SUGCT: variants seen among roughly 807,000 people sequenced by gnomAD.
The protein encoded by SUGCT is succinyl-CoA:glutarate-CoA transferase.
SUGCT carries 41 observed loss-of-function variants against 55.0 expected under a neutral mutation model. That is an observed-to-expected ratio of 0.74 (90% CI 0.58 to 0.97). The LOEUF (loss-of-function observed/expected upper bound fraction) is 0.97, where lower values mean the gene tolerates loss of function less well. SUGCT is among the 50% of genes least tolerant of loss of function. The pLI is 0.00. For synonymous variants in SUGCT, 187 were observed against 200.4 expected (o/e 0.93, Z 0.56); for missense variants, 568 against 547.8 (o/e 1.04, Z -0.37).
chr7:40,402,801 T>C (rs1383681955), intron 9 of SUGCT, among the ~76,000 whole-genome samples: 2 of 152,170 alleles, frequency 1.3e-5, no homozygotes, highest in Non-Finnish European at 2.9e-5. Context: ...CTTTTTAGGG[T>C]GAGAGGAAGT....
At chr7:40,981,673 T>G in the SUGCT span, among the ~76,000 whole-genome samples, 2 of 152,232 alleles carry the variant, frequency 1.3e-5, no homozygotes, top group African/African-American at 2.4e-5. Context: ...ATTGGAAATC[T>G]CCTCAGCTAA....
intron 13 of SUGCT, among the ~76,000 whole-genome samples, chr7:40,853,215 T>C (rs1793944833): frequency 6.6e-6 from 1 of 152,200 alleles, no homozygotes; most frequent in South Asian, 2.1e-4. Flanking sequence ...GTAGAATAAA[T>C]TAGTGTATAC....
chr7:40,434,872 TC>T, intron 9 of SUGCT, among the ~76,000 whole-genome samples: 2 of 152,264 alleles, frequency 1.3e-5, no homozygotes, highest in East Asian at 3.9e-4. Flanking sequence ...CTATGCTTTT[TC>T]TGATGCTGGG....
At chr7:40,511,848 A>G (rs539085229) in intron 12 of SUGCT, among the ~76,000 whole-genome samples, 1 of 152,186 alleles carries the variant, frequency 6.6e-6, no homozygotes, top group Non-Finnish European at 1.5e-5. Context: ...CAAAAACATG[A>G]AAGAATGAGT....
chr7:40,340,142 C>T (rs1796967274), intron 9 of SUGCT, among the ~76,000 whole-genome samples: 1 of 151,970 alleles, frequency 6.6e-6, no homozygotes, highest in African/African-American at 2.4e-5. Context: ...AAAATTAGAA[C>T]AAATAGTAGT....
chr7:40,301,019 A>C (rs1794503743), intron 8 of SUGCT, among the ~76,000 whole-genome samples: 1 of 152,224 alleles, frequency 6.6e-6, no homozygotes, highest in Non-Finnish European at 1.5e-5. Context: ...ATGCAAACTC[A>C]TGTTTGAAGT....
chr7:40,340,080 C>T (rs1298295684), intron 9 of SUGCT, among the ~76,000 whole-genome samples: 1 of 152,060 alleles, frequency 6.6e-6, no homozygotes, highest in African/African-American at 2.4e-5. Flanking sequence ...GATTATCTGC[C>T]AGAAACCAAC....
At chr7:40,556,942 G>A (rs1044635437) in intron 12 of SUGCT, among the ~76,000 whole-genome samples, 1 of 152,118 alleles carries the variant, frequency 6.6e-6, no homozygotes, top group Non-Finnish European at 1.5e-5. Flanking sequence ...TACTCAAGGC[G>A]ATCTCCAGAT....
At chr7:40,544,644 C>T (rs373250921) in intron 12 of SUGCT, among the ~76,000 whole-genome samples, 1 of 152,198 alleles carries the variant, frequency 6.6e-6, no homozygotes. Flanking sequence ...GCCTTGCCCC[C>T]ACTCTGGGGC....
intron 6 of SUGCT, among the ~76,000 whole-genome samples, chr7:40,237,014 G>A (rs1166777353): frequency 6.6e-6 from 1 of 151,898 alleles, no homozygotes; most frequent in Non-Finnish European, 1.5e-5. Flanking sequence ...TGTATTTTTA[G>A]TAGAGATGGG....
At chr7:40,977,381 C>A in the SUGCT span, among the ~76,000 whole-genome samples, 1 of 152,178 alleles carries the variant, frequency 6.6e-6, no homozygotes, top group Admixed American at 6.5e-5. Flanking sequence ...TGTCATTTTC[C>A]ATTTCTTCAT....
At chr7:40,217,059 T>C (rs1271642132) in intron 6 of SUGCT, among the ~76,000 whole-genome samples, 1 of 152,070 alleles carries the variant, frequency 6.6e-6, no homozygotes, top group Non-Finnish European at 1.5e-5. Context: ...GGAGTCTGTA[T>C]CTGAATTTAG....
chr7:40,902,683 AT>A, the SUGCT span, among the ~76,000 whole-genome samples: 1 of 152,124 alleles, frequency 6.6e-6, no homozygotes, highest in Non-Finnish European at 1.5e-5. Flanking sequence ...TCATTTAATA[AT>A]GTTAAAATCT....
intron 9 of SUGCT, among the ~76,000 whole-genome samples, chr7:40,320,233 A>G (rs1013777490): frequency 1.3e-5 from 2 of 148,708 alleles, no homozygotes; most frequent in African/African-American, 4.9e-5. Context: ...CAGCCTCCTG[A>G]GTAGCTGGGA....
the SUGCT span, among the ~76,000 whole-genome samples, chr7:40,942,322 C>G: frequency 1.3e-5 from 2 of 152,046 alleles, no homozygotes; most frequent in African/African-American, 4.8e-5. Context: ...ATTTATGAAA[C>G]CTAGTTTTAC....
chr7:40,729,357 A>G (rs1786775254), intron 12 of SUGCT, among the ~76,000 whole-genome samples: 2 of 152,360 alleles, frequency 1.3e-5, no homozygotes, highest in African/African-American at 4.8e-5. Flanking sequence ...ATTGGAAACC[A>G]ACATCATAAA....
chr7:40,215,663 C>T (rs778571988), intron 6 of SUGCT, among the ~76,000 whole-genome samples: 2 of 151,888 alleles, frequency 1.3e-5, no homozygotes, highest in Admixed American at 6.6e-5. Flanking sequence ...GAGATCGAAA[C>T]CATCCTGGCT....
chr7:40,810,676 A>G (rs1311593009), intron 13 of SUGCT, among the ~76,000 whole-genome samples: 1 of 151,932 alleles, frequency 6.6e-6, no homozygotes, highest in Non-Finnish European at 1.5e-5. Context: ...CCTTTGTTGG[A>G]TGTGTAGTAT....
chr7:40,389,928 T>C (rs1330484331), intron 9 of SUGCT, among the ~76,000 whole-genome samples: 1 of 152,182 alleles, frequency 6.6e-6, no homozygotes, highest in Non-Finnish European at 1.5e-5. Flanking sequence ...TCAAAAAGCT[T>C]ATCCACCATG....
Sources: allele counts gnomAD v4.1 joint callset (sites outside exome capture counted in the v4.1 genomes callset), GRCh38; gene constraint gnomAD v4.1.1; transcripts MANE v1.5; gene names NCBI Gene and HGNC (gene_info 2026-07-23, HGNC 2026-07-21).